ACTA2: variants seen among roughly 807,000 people sequenced by gnomAD.
ACTA2 encodes the protein actin alpha 2, smooth muscle.
Under a neutral mutation model 39.5 loss-of-function variants are expected in ACTA2, and 12 were observed. The observed-to-expected ratio is 0.30, with a 90% CI of 0.19 to 0.49. The LOEUF is 0.49. Among genes scored for constraint, ACTA2 ranks in the 20% least tolerant of loss-of-function variants. The pLI, the probability that ACTA2 is intolerant of heterozygous loss-of-function variation, is 0.99. For synonymous variants in ACTA2, 158 were observed against 180.6 expected, an observed-to-expected ratio of 0.88 and a Z score of 1.00; for missense variants, 236 against 498.8, an observed-to-expected ratio of 0.47 and a Z score of 5.02.
At chr10:88,945,158 GAA>G (rs1845922731) in intron 3 of ACTA2, among the ~76,000 whole-genome samples, 1 of 152,152 alleles carries the variant, frequency 6.6e-6, no homozygotes, top group Non-Finnish European at 1.5e-5. Context: ...TAGAAATAAG[GAA>G]AGTTTTTTCT....
intron 1 of ACTA2, chr10:88,989,488 A>G (rs1847038407): frequency 1.8e-6 from 1 of 543,866 alleles, no homozygotes; most frequent in African/African-American, 1.9e-5. Context: ...GTGTGTGCAC[A>G]AGGCTGGCAC....
chr10:88,943,255 C>T (rs1447360241), intron 4 of ACTA2, among the ~76,000 whole-genome samples: 1 of 152,080 alleles, frequency 6.6e-6, no homozygotes, highest in East Asian at 1.9e-4. Context: ...ATAATAATGA[C>T]AATAGTAAGT....
At chr10:88,974,939 C>T (rs1191647655) in intron 1 of ACTA2, 1 of 152,118 alleles carries the variant, frequency 6.6e-6, no homozygotes, top group Non-Finnish European at 1.5e-5. Flanking sequence ...TGGCTTGTGA[C>T]TCTGGGCCAT....
At chr10:88,943,483 C>T (rs547663736) in intron 4 of ACTA2, among the ~76,000 whole-genome samples, 2 of 152,300 alleles carry the variant, frequency 1.3e-5, no homozygotes, top group East Asian at 3.9e-4. Context: ...GACTCTGGAA[C>T]CCAAATTCCT....
At chr10:88,985,069 A>G (rs979097711) in intron 1 of ACTA2, among the ~76,000 whole-genome samples, 2 of 152,244 alleles carry the variant, frequency 1.3e-5, no homozygotes, top group Non-Finnish European at 2.9e-5. Context: ...TTAGGGGGCC[A>G]TTGGCAAATT....
intron 6 of ACTA2, chr10:88,941,016 C>G (rs892484163): frequency 3.3e-6 from 2 of 597,100 alleles, no homozygotes; most frequent in African/African-American, 3.6e-5. Flanking sequence ...ATGCATAACA[C>G]TGGGTGTCTA....
At chr10:88,984,294 G>A (rs1390390034) in intron 1 of ACTA2, among the ~76,000 whole-genome samples, 4 of 152,182 alleles carry the variant, frequency 2.6e-5, no homozygotes, top group Admixed American at 2.6e-4. Context: ...TCCTAGGGCT[G>A]TTGTAGAGAA....
rs191162469 is a variant in ACTA2 at position 88,986,592 on chromosome 10, A to G, written c.-24+4347T>C. Reference sequence around the variant, plus strand: ...GCCCTGGTCAGTTAGGCTTTAGGACACTTTTCTTAGGCTTCAGGAATGTGA... The same window carrying G: ...GCCCTGGTCAGTTAGGCTTTAGGACGCTTTTCTTAGGCTTCAGGAATGTGA... On this transcript the variant is annotated intron_variant, in intron 1 of 4. Transcript: ENST00000415557. 7.2e-5 allele frequency among the ~76,000 whole-genome samples: 11 copies of G among 152,302 alleles called. No homozygotes were observed. The East Asian group carries it at 2.1e-3, about 29-fold the overall frequency.
intron 1 of ACTA2, among the ~76,000 whole-genome samples, chr10:88,951,115 T>C (rs1451127351): frequency 6.6e-6 from 1 of 152,158 alleles, no homozygotes; most frequent in Non-Finnish European, 1.5e-5. Flanking sequence ...TGAATTATTT[T>C]GGCATTCCTG....
chr10:88,962,512 T>G (rs188340671), intron 1 of ACTA2, among the ~76,000 whole-genome samples: 14 of 152,268 alleles, frequency 9.2e-5, no homozygotes, highest in Non-Finnish European at 2.1e-4. Context: ...GTTATCAGCT[T>G]CTTAGATGTG....
chr10:88,954,066 T>C (rs1352743004), upstream of ACTA2, among the ~76,000 whole-genome samples: 1 of 152,214 alleles, frequency 6.6e-6, no homozygotes, highest in Non-Finnish European at 1.5e-5. Flanking sequence ...ATTTTATATT[T>C]GTCTACTAGG....
At chr10:88,941,086 A>G (rs1333559498) in intron 6 of ACTA2, 143 bp downstream of exon 6, 4 of 1,009,178 alleles carry the variant, frequency 4.0e-6, no homozygotes, top group African/African-American at 1.6e-5. Context: ...GCAAAGAAAG[A>G]TGTGCTTTGC....
chr10:88,939,228 C>T (rs568949338), intron 7 of ACTA2, among the ~76,000 whole-genome samples: 8 of 152,318 alleles, frequency 5.3e-5, no homozygotes, highest in Admixed American at 1.3e-4. Flanking sequence ...CTACCCTTTC[C>T]GCTGTCTCCA....
intron 1 of ACTA2, among the ~76,000 whole-genome samples, chr10:88,962,123 C>A (rs1472461394): frequency 6.6e-6 from 1 of 152,206 alleles, no homozygotes; most frequent in East Asian, 1.9e-4. Flanking sequence ...GATTGGCCAC[C>A]ACTCAGCCCC....
chr10:88,949,374 C>A (rs1250844063), intron 1 of ACTA2, among the ~76,000 whole-genome samples: 2 of 152,120 alleles, frequency 1.3e-5, no homozygotes, highest in African/African-American at 4.8e-5. Flanking sequence ...AACCCAAATG[C>A]ACATTTTTCT....
At chr10:88,973,414 C>A (rs1846493932) in intron 1 of ACTA2, 1 of 1,279,946 alleles carries the variant, frequency 7.8e-7, no homozygotes, top group Non-Finnish European at 1.0e-6. Flanking sequence ...GAAAACAACT[C>A]TTTCTTGTTA....
intron 1 of ACTA2, among the ~76,000 whole-genome samples, chr10:88,961,918 AT>A (rs1413926959): frequency 6.6e-6 from 1 of 152,066 alleles, no homozygotes; most frequent in Non-Finnish European, 1.5e-5. Flanking sequence ...GGCTGCATTG[AT>A]TTGCCTTTCT....
intron 7 of ACTA2, chr10:88,938,580 C>T (rs1845789780): frequency 3.1e-6 from 1 of 325,688 alleles, no homozygotes; most frequent in South Asian, 2.9e-5. Context: ...GCCAATGTTG[C>T]AACAACTCTT....
At position 88,990,857 on chromosome 10, in the gene ACTA2, C is replaced by G; in HGVS notation, c.-24+82G>C. 1 of 1,614,234 alleles carries G rather than the reference C, an allele frequency of 6.2e-7. No homozygotes were observed. The highest frequency in any genetic ancestry group is 8.5e-7 in the Non-Finnish European group (1 of 1,180,042). On this transcript the variant is annotated intron_variant, in intron 1 of 4. Coordinates refer to the ACTA2 transcript ENST00000415557. This position sits in a 1 kb window ranked among gnomAD's most constrained non-coding sequence, Gnocchi z 4.9. Reference sequence around the variant, plus strand: ...CGGAGTTGGGGAAGCTCTTTCACTTCGGAGGATTGCTCAACAACCATGCTG... The same window carrying G: ...CGGAGTTGGGGAAGCTCTTTCACTTGGGAGGATTGCTCAACAACCATGCTG...
Sources: gnomAD v4.1 joint callset for allele counts (sites outside exome capture counted in the v4.1 genomes callset) on GRCh38, gnomAD v4.1.1 for gene constraint, Gnocchi (gnomAD v3.1) non-coding constraint, MANE v1.5 for transcripts, NCBI Gene and HGNC (gene_info 2026-07-23, HGNC 2026-07-21) for gene names.